The following TRPM5 variants were observed in gnomAD, a reference collection of about 807,000 sequenced individuals.
TRPM5 encodes MLSN1 and TRP-related.
TRPM5 carries 121 observed loss-of-function variants against 124.9 expected under a neutral mutation model. The ratio of observed to expected loss-of-function variants is 0.97; its 90% CI spans 0.84 to 1.13. TRPM5 has a LOEUF of 1.13. TRPM5 is among the 50% of genes most tolerant of loss of function. TRPM5 has a pLI of 0.00. For missense variants in TRPM5, 1,643 were observed against 1,589.1 expected (o/e 1.03, Z -0.58); for synonymous variants, 781 against 700.5 (o/e 1.11, Z -1.81).
rs538900131 is a variant in TRPM5 at position 2,416,041 on chromosome 11, C to T, written c.1010-17G>A. 7.6e-6 allele frequency: 12 copies of T among 1,582,206 alleles called. No individual in the cohort carries two copies. The highest frequency in any genetic ancestry group is 9.5e-6 in the Non-Finnish European group (11 of 1,160,030). On this transcript the variant is annotated splice_polypyrimidine_tract_variant and intron_variant, in intron 7 of 23. Transcript: ENST00000155858. ...TCTTGCAGGCTGTGGGCAGAGCAGG[C>T]AGGCACTGGTGAGGGTGGAGCTGAG...
At chr11:2,435,246 A>G in the TRPM5 span, among the ~76,000 whole-genome samples, 2 of 152,224 alleles carry the variant, frequency 1.3e-5, no homozygotes, top group African/African-American at 4.8e-5. This position sits in a 1 kb window ranked among gnomAD's most constrained non-coding sequence, Gnocchi z 4.1. Context: ...GGGGAGGCCC[A>G]GCGGCTGCAA....
chr11:2,436,640 G>C, the TRPM5 span, among the ~76,000 whole-genome samples: 1 of 152,224 alleles, frequency 6.6e-6, no homozygotes, highest in Non-Finnish European at 1.5e-5. Flanking sequence ...GGGGTGGGAA[G>C]CTTGGCGGCC....
intron 5 of TRPM5, 61 bp downstream of exon 10, chr11:2,418,466 G>T (rs1464468022): frequency 1.1e-5 from 17 of 1,567,582 alleles, no homozygotes; most frequent in Non-Finnish European, 1.5e-5. Context: ...GGGGTGCCCA[G>T]AACCCACCGC....
chr11:2,414,351 C>G (rs772149086), intron 11 of TRPM5, 145 bp from the exon 17 acceptor site: 3 of 1,236,552 alleles, frequency 2.4e-6, no homozygotes, highest in African/African-American at 1.5e-5. Context: ...CCTTCTGCCC[C>G]CTCCGGCCTG....
chr11:2,420,373 G>A (rs72847620), exon 4 of TRPM5: 1,263 of 1,612,570 alleles, frequency 7.8e-4, no homozygotes, highest in Non-Finnish European at 1.0e-3. Context: ...GGCTGCCGCC[G>A]TCATCCTCAG....
At chr11:2,406,574 C>T in intron 21 of TRPM5, 87 bp downstream of exon 26, 5 of 1,504,428 alleles carry the variant, frequency 3.3e-6, no homozygotes, top group Non-Finnish European at 4.5e-6. Context: ...AGTTCGCCAG[C>T]TCAGATCCTC....
intron 1 of TRPM5, among the ~76,000 whole-genome samples, chr11:2,422,612 C>A (rs566376185): frequency 6.6e-6 from 1 of 151,964 alleles, no homozygotes; most frequent in East Asian, 1.9e-4. Flanking sequence ...CCTCTCTGGG[C>A]TGGCATCCCC....
At chr11:2,436,226 T>C in the TRPM5 span, among the ~76,000 whole-genome samples, 1 of 152,268 alleles carries the variant, frequency 6.6e-6, no homozygotes, top group Non-Finnish European at 1.5e-5. Context: ...TTGGGTGATC[T>C]GCTCAGCCGC....
chr11:2,420,828 G>A (rs534852433), intron 3 of TRPM5, among the ~76,000 whole-genome samples: 3 of 152,314 alleles, frequency 2.0e-5, no homozygotes, highest in Admixed American at 6.5e-5. Context: ...TGGTACAGGA[G>A]GGGGTGAGGG....
rs780781313 is a variant in TRPM5 at position 2,413,005 on chromosome 11, C to A, written c.2104G>T (p.Glu702Ter). 5 of 1,604,162 alleles carry A rather than the reference C, an allele frequency of 3.1e-6. No homozygotes were observed. The African/African-American group carries it at 5.3e-5, about 17-fold the overall frequency. Residue 702 changes from glutamate to a stop codon, truncating the protein, a stop_gained, in exon 15 of 24, where the codon GAG becomes TAG. Coordinates refer to ENST00000155858, the Ensembl canonical transcript of TRPM5. LOFTEE classifies it high-confidence loss of function. ...TGAGCCCTCGGCGCCTCCACCAGCT[C>A]CTCCACCCTGTGCCGCAGAGAAGTT...
intron 19 of TRPM5, 54 bp from the exon 25 acceptor site, chr11:2,407,354 G>T: frequency 6.6e-7 from 1 of 1,523,358 alleles, no homozygotes; most frequent in Non-Finnish European, 8.9e-7. Flanking sequence ...CCACTTGGGG[G>T]ACGCATCCCC....
chr11:2,406,155 C>G (rs1850319450), intron 21 of TRPM5, 64 bp from the exon 27 acceptor site: 1 of 1,567,892 alleles, frequency 6.4e-7, no homozygotes, highest in African/African-American at 1.3e-5. Context: ...TGGGGAGCCT[C>G]CCCATCCCCC....
At chr11:2,415,136 C>A in exon 9 of TRPM5, 1 of 1,569,050 alleles carries the variant, frequency 6.4e-7, no homozygotes, top group Non-Finnish European at 8.6e-7. Context: ...TCCTGCGGTC[C>A]CCTGGCCGGC....
chr11:2,436,460 C>G, the TRPM5 span, among the ~76,000 whole-genome samples: 2 of 152,262 alleles, frequency 1.3e-5, no homozygotes, highest in Non-Finnish European at 2.9e-5. Context: ...CACCACCACT[C>G]TCCAGGGAGG....
chr11:2,421,139 C>A (rs903372888), exon 3 of TRPM5: 1 of 1,542,276 alleles, frequency 6.5e-7, no homozygotes, highest in African/African-American at 1.4e-5. Flanking sequence ...TGGTCGCGCA[C>A]GGCCTGCCCG....
chr11:2,408,314 G>C (rs1393417611), intron 18 of TRPM5, among the ~76,000 whole-genome samples: 4 of 152,198 alleles, frequency 2.6e-5, no homozygotes, highest in African/African-American at 9.7e-5. Context: ...TCCGAAAAAA[G>C]CCTCTGCTGT....
chr11:2,421,077 G>A (rs1361639901), exon 3 of TRPM5: 4 of 1,549,782 alleles, frequency 2.6e-6, no homozygotes, highest in Middle Eastern at 1.8e-4. Context: ...GGCCCAGCGA[G>A]GCCATGCCGA....
In TRPM5 at chr11:2,420,229, G is replaced by A. The variant is rs202163814; in HGVS notation, c.642C>T (p.Gly214=). ...GGCTGGGGCGGGTCTCACCCCCGTA[G>A]CCCGCCCTCTGCTCCGAGATGTGCT... is the stretch of plus-strand genomic sequence containing the variant. Residue 214 remains glycine, a synonymous_variant, in exon 4 of 24, where the codon GGC becomes GGT. Transcript: ENST00000155858. 1.1e-4 allele frequency: 181 copies of A among 1,599,846 alleles called. No individual in the cohort carries two copies. The South Asian group carries it at 1.9e-3, about 17-fold the overall frequency.
chr11:2,404,836 G>A, exon 24 of TRPM5: 1 of 939,510 alleles, frequency 1.1e-6, no homozygotes, highest in Non-Finnish European at 1.6e-6. Flanking sequence ...GGGGGCTGGT[G>A]CCCCCTGGGG....
Sources: allele counts gnomAD v4.1 joint callset (sites outside exome capture counted in the v4.1 genomes callset), GRCh38; gene constraint gnomAD v4.1.1; non-coding constraint Gnocchi (gnomAD v3.1); transcripts MANE v1.5; gene names NCBI Gene and HGNC (gene_info 2026-07-23, HGNC 2026-07-21).